Variants in MEGF11 observed in about 807,000 individuals in gnomAD.
MEGF11 encodes multiple epidermal growth factor-like domains protein 11.
In MEGF11, 126 loss-of-function variants were observed where a neutral mutation model predicts 146.6. That is an observed-to-expected ratio of 0.86 (90% CI 0.74 to 1.00). MEGF11 has a LOEUF of 1.00. MEGF11 is among the 50% of genes least tolerant of loss of function. The probability of loss-of-function intolerance (pLI) is 0.00; values close to 1 mark genes in which losing one functional copy is unlikely to be tolerated. For synonymous variants in MEGF11, 532 were observed against 583.4 expected (o/e 0.91, Z 1.27); for missense variants, 1,509 against 1,521.2 (o/e 0.99, Z 0.13).
At chr15:66,012,912 A>C (rs1024714144) in intron 5 of MEGF11, among the ~76,000 whole-genome samples, 1 of 152,248 alleles carries the variant, frequency 6.6e-6, no homozygotes, top group African/African-American at 2.4e-5. Context: ...TTCTGCAGTA[A>C]GGGCCAGCCA....
At chr15:65,914,018 G>A (rs765377594) in intron 19 of MEGF11, 45 bp from the exon 20 acceptor site, 23 of 1,499,704 alleles carry the variant, frequency 1.5e-5, no homozygotes, top group East Asian at 2.3e-5. Context: ...GCCTTCTTGC[G>A]CTTCAGGTCT....
intron 2 of MEGF11, among the ~76,000 whole-genome samples, chr15:66,127,828 G>T (rs954943155): frequency 3.4e-5 from 4 of 118,574 alleles, no homozygotes; most frequent in Admixed American, 1.9e-4. Context: ...CACCAGACTG[G>T]AAGTAGTGGG....
chr15:66,009,815 C>T (rs558942882), intron 5 of MEGF11, among the ~76,000 whole-genome samples: 4 of 152,032 alleles, frequency 2.6e-5, no homozygotes, highest in Admixed American at 6.5e-5. Flanking sequence ...AGGATGGTCT[C>T]GATCTCCTCA....
In MEGF11 at chr15:65,913,785, A is replaced by C; in HGVS notation, c.2662T>G (p.Ser888Ala). 1 of 1,613,538 alleles carries C rather than the reference A, an allele frequency of 6.2e-7. No homozygotes were observed. The highest frequency in any genetic ancestry group is 8.5e-7 in the Non-Finnish European group (1 of 1,179,758). The change falls in exon 20 of 26, where the codon TCC (serine) becomes GCC (alanine). Residue 888 changes from serine to alanine, a missense_variant. By Grantham distance (99) the Ser-to-Ala change is moderately conservative. Coordinates refer to ENST00000395614, the MANE Select transcript of MEGF11 (RefSeq NM_001385028.1). ...GTCATCCTCATGGCAGGTGTGTAGG[A>C]GACACGGGGAGCCAGGTCTCGGCCC... is the stretch of plus-strand genomic sequence containing the variant. ...EKGRDLAPRV[S>A]YTPAMRMTST...
intron 24 of MEGF11, among the ~76,000 whole-genome samples, chr15:65,904,495 C>A (rs2078571388): frequency 6.6e-6 from 1 of 152,200 alleles, no homozygotes; most frequent in South Asian, 2.1e-4. Context: ...GTGACTCAGC[C>A]TTATCGCTGT....
At chr15:66,159,307 C>T (rs888646125) in intron 1 of MEGF11, among the ~76,000 whole-genome samples, 3 of 152,228 alleles carry the variant, frequency 2.0e-5, no homozygotes, top group Non-Finnish European at 2.9e-5. Context: ...GTGGCACCCA[C>T]TGTGCCCATC....
intron 3 of MEGF11, among the ~76,000 whole-genome samples, chr15:66,121,639 A>G (rs2088030027): frequency 1.3e-5 from 2 of 152,172 alleles, no homozygotes; most frequent in Non-Finnish European, 2.9e-5. Flanking sequence ...ACCACAGGAC[A>G]AGGCCAGGGT....
At chr15:66,118,180 A>C (rs1186333622) in intron 4 of MEGF11, among the ~76,000 whole-genome samples, 3 of 151,974 alleles carry the variant, frequency 2.0e-5, no homozygotes, top group African/African-American at 7.3e-5. Flanking sequence ...CCTACAGTAG[A>C]GGGAACCTTC....
At chr15:66,249,511 A>G (rs1202282421) in intron 1 of MEGF11, among the ~76,000 whole-genome samples, 1 of 151,966 alleles carries the variant, frequency 6.6e-6, no homozygotes, top group African/African-American at 2.4e-5. Flanking sequence ...ATATTGCAAT[A>G]TATTCTCTCT....
chr15:66,089,827 A>T (rs2086251412), intron 5 of MEGF11, among the ~76,000 whole-genome samples: 2 of 152,232 alleles, frequency 1.3e-5, no homozygotes, highest in African/African-American at 2.4e-5. Flanking sequence ...TCAATATAGG[A>T]AAACTTTCTT....
At chr15:66,122,252 C>T (rs534135620) in intron 3 of MEGF11, among the ~76,000 whole-genome samples, 2 of 127,430 alleles carry the variant, frequency 1.6e-5, no homozygotes, top group Admixed American at 8.5e-5. Flanking sequence ...CAACAGAGTG[C>T]GATTCTGTCA....
chr15:65,912,383 T>A (rs1215888685), intron 20 of MEGF11, 183 bp from the exon 21 acceptor site: 4 of 386,604 alleles, frequency 1.0e-5, no homozygotes, highest in Non-Finnish European at 1.8e-5. Context: ...CCTGATTTGC[T>A]CCTTCCCTTA....
chr15:66,219,508 G>T (rs1046463082), intron 1 of MEGF11, among the ~76,000 whole-genome samples: 1 of 152,188 alleles, frequency 6.6e-6, no homozygotes, highest in Non-Finnish European at 1.5e-5. Context: ...ACCTCAATGA[G>T]ATCTCATGCA....
chr15:66,194,454 T>G (rs933426991), intron 1 of MEGF11, among the ~76,000 whole-genome samples: 1 of 151,928 alleles, frequency 6.6e-6, no homozygotes, highest in African/African-American at 2.4e-5. Flanking sequence ...ACTAAAAATA[T>G]GAAATTATCC....
chr15:66,216,621 A>G (rs57467781), intron 1 of MEGF11, among the ~76,000 whole-genome samples: 19,379 of 152,224 alleles, frequency 0.13, 1,520 homozygotes, highest in African/African-American at 0.23. Flanking sequence ...GAGGCAGCAG[A>G]GAGGCAAGTC....
At chr15:66,002,858 C>T (rs1001826666) in intron 5 of MEGF11, among the ~76,000 whole-genome samples, 2 of 152,096 alleles carry the variant, frequency 1.3e-5, no homozygotes, top group African/African-American at 4.8e-5. Flanking sequence ...TCAGCTAGTC[C>T]AGTTCTCCCT....
intron 5 of MEGF11, among the ~76,000 whole-genome samples, chr15:66,051,063 A>G (rs1213214836): frequency 6.6e-6 from 1 of 152,250 alleles, no homozygotes; most frequent in Non-Finnish European, 1.5e-5. Context: ...CCAAAGGACA[A>G]TCATTACAAC....
intron 5 of MEGF11, among the ~76,000 whole-genome samples, chr15:66,079,295 G>A (rs144771991): frequency 1.3e-5 from 2 of 152,282 alleles, no homozygotes; most frequent in Non-Finnish European, 2.9e-5. Context: ...CTTTCCTGGT[G>A]GGCATCTGTT....
intron 9 of MEGF11, among the ~76,000 whole-genome samples, chr15:65,958,391 T>G (rs150054488): frequency 1.2e-3 from 175 of 152,094 alleles, no homozygotes; most frequent in Middle Eastern, 6.8e-3. Context: ...CTCCAGAGAG[T>G]AGGGCAACCT....
Sources: gnomAD v4.1 joint callset for allele counts (sites outside exome capture counted in the v4.1 genomes callset) on GRCh38, gnomAD v4.1.1 for gene constraint, MANE v1.5 for transcripts, NCBI Gene and HGNC (gene_info 2026-07-23, HGNC 2026-07-21) for gene names.